Variants in CIB4 observed in about 807,000 individuals in gnomAD.
CIB4 encodes the protein calcium and integrin binding family member 4.
A neutral mutation model predicts 25.8 loss-of-function variants in CIB4; 25 were observed. The observed-to-expected ratio is 0.97, with a 90% confidence interval of 0.71 to 1.35. The LOEUF (loss-of-function observed/expected upper bound fraction) is 1.35. Among genes scored for constraint, CIB4 ranks in the 40% most tolerant of loss-of-function variants. The pLI, the probability that CIB4 is intolerant of heterozygous loss-of-function variation, is 0.00. For synonymous variants in CIB4, 75 were observed against 81.4 expected (o/e 0.92, Z 0.42); for missense variants, 235 against 228.2 (o/e 1.03, Z -0.19).
rs116676159 is a variant in CIB4 at position 26,583,064 on chromosome 2, A to G, written c.439-151T>C. On this transcript the variant is annotated intron_variant, in intron 5 of 6. Coordinates refer to ENST00000288861, the MANE Select transcript of CIB4 (RefSeq NM_001029881.3). ...TCCCCTGACCCCAGTGACCCCACAGAGATTAGGTTATGTGCACCAAAGTTT... is the reference window on the plus strand; with the variant it reads ...TCCCCTGACCCCAGTGACCCCACAGGGATTAGGTTATGTGCACCAAAGTTT... The G allele has an allele frequency of 1.6e-4, 95 of 596,794 alleles. No homozygotes were observed. In the African/African-American group the frequency reaches 1.6e-3, roughly 10 times the overall value. The allele number at this position is 596,794 out of a possible 1,614,324, so 37.0% of individuals were successfully genotyped here. A position where few individuals can be genotyped will look rare whatever the true frequency, so the allele number is the denominator to read the frequency against.
chr2:26,591,713 G>T (rs970405112), intron 4 of CIB4, among the ~76,000 whole-genome samples: 1 of 152,192 alleles, frequency 6.6e-6, no homozygotes, highest in Non-Finnish European at 1.5e-5. Context: ...CCACCATCAC[G>T]CTGTCTTTTA....
At chr2:26,594,930 A>G (rs56414406) in intron 4 of CIB4, among the ~76,000 whole-genome samples, 9,052 of 152,150 alleles carry the variant, frequency 0.059, 414 homozygotes, top group South Asian at 0.12. Context: ...ACACACTACC[A>G]GCAAATATCA....
intron 3 of CIB4, among the ~76,000 whole-genome samples, chr2:26,597,997 C>T (rs1668711604): frequency 6.6e-6 from 1 of 152,000 alleles, no homozygotes; most frequent in Non-Finnish European, 1.5e-5. Context: ...AAAATTCTTA[C>T]TTTAATAAAA....
Position 26,581,411 on chromosome 2 carries a change from G to T in CIB4, c.528-18C>A, listed in dbSNP as rs201171135. 3 of 1,613,190 alleles carry T rather than the reference G, an allele frequency of 1.9e-6. No homozygotes were observed. The highest frequency in any genetic ancestry group is 2.2e-5 in the East Asian group (1 of 44,870). On this transcript the variant is annotated intron_variant, in intron 6 of 6. Coordinates refer to ENST00000288861, the MANE Select transcript of CIB4 (RefSeq NM_001029881.3). ...GAAAGGAGCTGAAAGAAAGAATCCC[G>T]TGAGCCATGTGAGCCCGCAGGTCCA...
At chr2:26,617,120 A>ATGTGTGTGTGTGTG (rs3220777) in intron 3 of CIB4, among the ~76,000 whole-genome samples, 27,629 of 137,414 alleles carry the variant, frequency 0.2, 3,301 homozygotes, top group Non-Finnish European at 0.27. Flanking sequence ...AGAGCATGGA[A>ATGTGTGTGTGTGTG]TGTGTGTGTG....
intron 3 of CIB4, among the ~76,000 whole-genome samples, chr2:26,610,872 G>A (rs80307294): frequency 2.9e-4 from 44 of 152,330 alleles, no homozygotes; most frequent in Non-Finnish European, 5.1e-4. Flanking sequence ...GCAGGAATTT[G>A]ATCCCAGGTC....
chr2:26,585,604 C>A (rs1275994), intron 4 of CIB4, among the ~76,000 whole-genome samples: 106,422 of 152,018 alleles, frequency 0.7, 42,124 homozygotes, highest in East Asian at 0.98. Flanking sequence ...GTGGTCTAAG[C>A]GCTTTGCAGT....
intron 2 of CIB4, among the ~76,000 whole-genome samples, chr2:26,630,059 C>A (rs556261036): frequency 6.6e-6 from 1 of 152,340 alleles, no homozygotes; most frequent in Admixed American, 6.5e-5. Flanking sequence ...TTGGTTGCAG[C>A]AGATCGTGGA....
At position 26,595,260 on chromosome 2, in the gene CIB4, A is replaced by G. The variant is rs1295581260; in HGVS notation, c.244T>C (p.Phe82Leu). 6.2e-7 allele frequency: 1 copy of G among 1,614,144 alleles called. No individual in the cohort carries two copies. Among genetic ancestry groups the G allele is most frequent in the South Asian group, 1.1e-5 (1 of 91,074 alleles). Residue 82 changes from phenylalanine (F) to leucine (L), a missense_variant, in exon 4 of 7, where the codon TTT becomes CTT. Transcript: ENST00000288861. ...GATGCCATGCCCAGCACATCCTCAA[A>G]GGAGAACATGCCTTTGTGGGAGAAC... ...RVFSHKGMFSFEDVLGMASVF... is the reference protein window; with the variant it reads ...RVFSHKGMFSLEDVLGMASVF...
At chr2:26,613,344 C>T (rs781344472) in intron 3 of CIB4, among the ~76,000 whole-genome samples, 3 of 152,180 alleles carry the variant, frequency 2.0e-5, no homozygotes, top group Non-Finnish European at 4.4e-5. Context: ...ATGTAAAGAA[C>T]GTATGTCTTC....
intron 3 of CIB4, among the ~76,000 whole-genome samples, chr2:26,625,746 C>T (rs1270704552): frequency 6.6e-6 from 1 of 152,218 alleles, no homozygotes; most frequent in South Asian, 2.1e-4. Context: ...TAATTAGATC[C>T]CATTTGTCAA....
chr2:26,632,773 GAA>G lies in CIB4; in HGVS notation c.90-3269_90-3268del, dbSNP rs1326523586. Among the ~76,000 whole-genome samples, 13 of 132,464 alleles carry G rather than the reference GAA, an allele frequency of 9.8e-5. 1 individual carries two copies. The highest frequency in any genetic ancestry group is 4.7e-4 in the African/African-American group (13 of 27,772). The allele number at this position is 132,464 out of a possible 152,430, so 86.9% of individuals were successfully genotyped here. ...ACTCCATCTCAAAAAAAAAAAAAAA[GAA>G]AAAGAAAGAAAGGGTTAAGGGCAGT... is the stretch of plus-strand genomic sequence containing the variant. On this transcript the variant is annotated intron_variant, in intron 2 of 6. Coordinates refer to ENST00000288861, the MANE Select transcript of CIB4 (RefSeq NM_001029881.3).
intron 4 of CIB4, among the ~76,000 whole-genome samples, chr2:26,589,289 CCT>C (rs1026584569): frequency 1.3e-5 from 2 of 150,134 alleles, no homozygotes; most frequent in African/African-American, 2.5e-5. Context: ...CTTTCCTCCT[CCT>C]CCTCCTCTCC....
At chr2:26,608,004 G>A (rs1668924469) in intron 3 of CIB4, among the ~76,000 whole-genome samples, 1 of 152,246 alleles carries the variant, frequency 6.6e-6, no homozygotes, top group African/African-American at 2.4e-5. Context: ...TTGCAAGGCT[G>A]AGACGGGTGG....
intron 2 of CIB4, among the ~76,000 whole-genome samples, chr2:26,629,716 A>G (rs1453899518): frequency 6.6e-6 from 1 of 152,078 alleles, no homozygotes; most frequent in African/African-American, 2.4e-5. Flanking sequence ...ACATCCCTGG[A>G]CCCTCCAGTG....
intron 5 of CIB4, among the ~76,000 whole-genome samples, chr2:26,583,211 GC>G (rs1372588604): frequency 6.6e-6 from 1 of 152,198 alleles, no homozygotes; most frequent in Non-Finnish European, 1.5e-5. Flanking sequence ...ACTGAAGGGG[GC>G]CCAGGCAGGC....
chr2:26,621,318 A>T (rs1037624798), intron 3 of CIB4, among the ~76,000 whole-genome samples: 1 of 151,942 alleles, frequency 6.6e-6, no homozygotes, highest in Non-Finnish European at 1.5e-5. Flanking sequence ...TGGACCTCTC[A>T]ATAACAACGG....
chr2:26,639,247 G>A (rs1421469668), intron 2 of CIB4, among the ~76,000 whole-genome samples: 1 of 151,082 alleles, frequency 6.6e-6, no homozygotes, highest in Non-Finnish European at 1.5e-5. Context: ...TGCAGAACAT[G>A]CAGGTTTGTT....
chr2:26,623,929 A>G (rs1202951406), intron 3 of CIB4, among the ~76,000 whole-genome samples: 2 of 152,234 alleles, frequency 1.3e-5, no homozygotes, highest in Admixed American at 1.3e-4. Flanking sequence ...AATTATTTAC[A>G]AGAACAGAAA....
Sources: gnomAD v4.1 joint callset for allele counts (sites outside exome capture counted in the v4.1 genomes callset) on GRCh38, gnomAD v4.1.1 for gene constraint, MANE v1.5 for transcripts, NCBI Gene and HGNC (gene_info 2026-07-23, HGNC 2026-07-21) for gene names.